The following C8orf89 variants were observed in gnomAD, a reference collection of about 807,000 sequenced individuals.
C8orf89 encodes chromosome 8 open reading frame 89, also known as putative uncharacterized protein C8orf89.
Under a neutral mutation model 15.8 loss-of-function variants are expected in C8orf89, and 14 were observed. The ratio of observed to expected loss-of-function variants is 0.89; its 90% CI spans 0.59 to 1.39. The LOEUF is 1.39. Ranked by LOEUF, C8orf89 falls within the 40% of genes most tolerant of loss-of-function variation. The probability of loss-of-function intolerance (pLI) is 0.00; values close to 1 mark genes in which losing one functional copy is unlikely to be tolerated. For missense variants in C8orf89, 181 were observed against 184.5 expected (o/e 0.98, Z 0.11); for synonymous variants, 55 against 62.2 (o/e 0.88, Z 0.54).
At chr8:73,252,345 T>C (rs1813268358) in intron 2 of C8orf89, among the ~76,000 whole-genome samples, 1 of 152,088 alleles carries the variant, frequency 6.6e-6, no homozygotes, top group South Asian at 2.1e-4. Flanking sequence ...GAACATATAG[T>C]GGCATGACAA....
intron 3 of C8orf89, among the ~76,000 whole-genome samples, chr8:73,242,530 C>CGCAAACA: frequency 6.6e-6 from 1 of 152,148 alleles, no homozygotes; most frequent in South Asian, 2.1e-4. Flanking sequence ...AAAGAAGACA[C>CGCAAACA]GCAAACAGCA....
chr8:73,280,646 T>C, the C8orf89 span, among the ~76,000 whole-genome samples: 37 of 152,072 alleles, frequency 2.4e-4, no homozygotes, highest in African/African-American at 8.9e-4. Context: ...AGTTCTGGGG[T>C]TACAGGCATG....
chr8:73,269,467 T>A, the C8orf89 span, among the ~76,000 whole-genome samples: 1 of 152,140 alleles, frequency 6.6e-6, no homozygotes, highest in African/African-American at 2.4e-5. Flanking sequence ...CCTAATACAA[T>A]AGAAAACTTT....
the C8orf89 span, among the ~76,000 whole-genome samples, chr8:73,272,755 T>A: frequency 6.6e-6 from 1 of 152,218 alleles, no homozygotes; most frequent in Non-Finnish European, 1.5e-5. Flanking sequence ...GTTTCCAGCT[T>A]CATCCATGTC....
chr8:73,250,367 AG>A (rs1394669608), intron 2 of C8orf89, 44 bp from the exon 3 acceptor site: 6 of 1,159,598 alleles, frequency 5.2e-6, no homozygotes, highest in Non-Finnish European at 6.1e-6. Context: ...ATATAAATTC[AG>A]GGCACAATGA....
At chr8:73,280,447 T>C in the C8orf89 span, among the ~76,000 whole-genome samples, 1 of 152,184 alleles carries the variant, frequency 6.6e-6, no homozygotes, top group Non-Finnish European at 1.5e-5. Flanking sequence ...CTCAGCTCAC[T>C]GCAACCTCCA....
At chr8:73,250,716 C>G (rs1200102595) in intron 2 of C8orf89, among the ~76,000 whole-genome samples, 1 of 152,132 alleles carries the variant, frequency 6.6e-6, no homozygotes, top group Non-Finnish European at 1.5e-5. Context: ...TGAAATACAT[C>G]TAGATAATAA....
At chr8:73,272,006 G>T in the C8orf89 span, among the ~76,000 whole-genome samples, 2 of 152,204 alleles carry the variant, frequency 1.3e-5, no homozygotes, top group Non-Finnish European at 2.9e-5. Flanking sequence ...AGCACAGAAA[G>T]AAATGATAGC....
chr8:73,266,024 G>A, the C8orf89 span, among the ~76,000 whole-genome samples: 1 of 152,190 alleles, frequency 6.6e-6, no homozygotes, highest in South Asian at 2.1e-4. Flanking sequence ...TGCCTGGGTT[G>A]TTGTATTAGG....
chr8:73,285,887 C>T, the C8orf89 span, among the ~76,000 whole-genome samples: 6 of 152,224 alleles, frequency 3.9e-5, no homozygotes, highest in South Asian at 2.1e-4. Flanking sequence ...AGCAGCCCTG[C>T]GACGCTGGGC....
upstream of C8orf89, among the ~76,000 whole-genome samples, chr8:73,260,811 G>A (rs1386205943): frequency 6.6e-6 from 1 of 152,208 alleles, no homozygotes; most frequent in Non-Finnish European, 1.5e-5. Flanking sequence ...GAGTGTGTCT[G>A]TGAGGGTGTT....
Position 73,245,450 on chromosome 8 carries a change from T to C in C8orf89, c.338-3845A>G, listed in dbSNP as rs556640714. On this transcript the variant is annotated intron_variant, in intron 3 of 3. Transcript: ENST00000624510. ...GGTTGAAAATTTAAAACATAGGTAT[T>C]AGATACACAGTAGGAAAAGAGTAAA... is the stretch of plus-strand genomic sequence containing the variant. Among the ~76,000 whole-genome samples, 21 of 152,208 alleles carry C rather than the reference T, an allele frequency of 1.4e-4. No homozygotes were observed. In the South Asian group the frequency reaches 4.1e-3, roughly 30 times the overall value.
At chr8:73,275,404 C>T in the C8orf89 span, among the ~76,000 whole-genome samples, 1 of 151,776 alleles carries the variant, frequency 6.6e-6, no homozygotes, top group Non-Finnish European at 1.5e-5. Context: ...ACCTGGCTAA[C>T]ATTTTGTATT....
chr8:73,259,626 G>A (rs1443778418), upstream of C8orf89: 1 of 407,400 alleles, frequency 2.5e-6, no homozygotes, highest in East Asian at 3.8e-5. Flanking sequence ...CCAGGTTACA[G>A]ATATTGGGTA....
At chr8:73,285,786 G>T in the C8orf89 span, among the ~76,000 whole-genome samples, 1 of 152,218 alleles carries the variant, frequency 6.6e-6, no homozygotes, top group East Asian at 1.9e-4. Flanking sequence ...CCTTGTCGCA[G>T]GGCTGGCCAC....
chr8:73,242,178 A>G (rs900659743), intron 3 of C8orf89, among the ~76,000 whole-genome samples: 1 of 152,238 alleles, frequency 6.6e-6, no homozygotes, highest in East Asian at 1.9e-4. Flanking sequence ...GTGTCTGCAC[A>G]GCAAAGGAAA....
Position 73,241,332 on chromosome 8 carries a change from A to G in C8orf89, c.*125T>C. On this transcript the variant is annotated 3_prime_UTR_variant, in exon 4 of 4. Coordinates refer to ENST00000624510, the MANE Select transcript of C8orf89 (RefSeq NM_001243237.3). ...AACAAAATACAAATGACTCATCTAT[A>G]ATGTAAAATATTTATTTATTTACAT... 2.4e-5 allele frequency: 18 copies of G among 748,942 alleles called. No homozygotes were observed. The highest frequency in any genetic ancestry group is 3.3e-5 in the Non-Finnish European group (18 of 538,006). The allele number at this position is 748,942 out of a possible 1,614,324, so 46.4% of individuals were successfully genotyped here.
At chr8:73,264,566 C>A in the C8orf89 span, among the ~76,000 whole-genome samples, 5 of 152,218 alleles carry the variant, frequency 3.3e-5, no homozygotes, top group African/African-American at 1.2e-4. Context: ...TCTCGGCTCA[C>A]TACAACCTCC....
At chr8:73,283,847 C>T in the C8orf89 span, among the ~76,000 whole-genome samples, 2 of 151,978 alleles carry the variant, frequency 1.3e-5, no homozygotes, top group Non-Finnish European at 2.9e-5. Flanking sequence ...CAAGACCACC[C>T]TGGCCAACAT....
Sources: allele counts gnomAD v4.1 joint callset (sites outside exome capture counted in the v4.1 genomes callset), GRCh38; gene constraint gnomAD v4.1.1; transcripts MANE v1.5; gene names NCBI Gene and HGNC (gene_info 2026-07-23, HGNC 2026-07-21).